Variants in SVEP1 observed in about 807,000 individuals in gnomAD.
SVEP1 encodes sushi, von Willebrand factor type A, EGF and pentraxin domain containing 1.
A neutral mutation model predicts 367.3 loss-of-function variants in SVEP1; 164 were observed. The observed-to-expected ratio is 0.45, with a 90% confidence interval of 0.39 to 0.51. The LOEUF is 0.51. Among genes scored for constraint, SVEP1 ranks in the 20% least tolerant of loss-of-function variants. The pLI is 0.00. For synonymous variants in SVEP1, 1,666 were observed against 1,611.6 expected, an observed-to-expected ratio of 1.03 and a Z score of -0.81; for missense variants, 4,117 against 4,425.3, an observed-to-expected ratio of 0.93 and a Z score of 1.98.
At chr9:110,499,945 G>A (rs1438496970) in intron 6 of SVEP1, among the ~76,000 whole-genome samples, 1 of 152,154 alleles carries the variant, frequency 6.6e-6, no homozygotes, top group Non-Finnish European at 1.5e-5. Flanking sequence ...TGAATAAATA[G>A]CTAACATTTA....
chr9:110,471,309 A>G (rs1829013615), intron 16 of SVEP1, 55 bp downstream of exon 16: 1 of 1,431,814 alleles, frequency 7.0e-7, no homozygotes, highest in East Asian at 2.3e-5. Flanking sequence ...GGCTACACCC[A>G]TCTCATTTGA....
intron 45 of SVEP1, 58 bp downstream of exon 45, chr9:110,377,213 G>C (rs929712753): frequency 2.0e-6 from 3 of 1,527,476 alleles, no homozygotes; most frequent in African/African-American, 2.7e-5. Flanking sequence ...ACTCCCCTCA[G>C]GTGGGAGCAT....
intron 27 of SVEP1, among the ~76,000 whole-genome samples, chr9:110,440,119 C>T (rs1224660865): frequency 6.6e-6 from 1 of 152,160 alleles, no homozygotes; most frequent in East Asian, 1.9e-4. Flanking sequence ...TTGATAATGC[C>T]ATTTCCTTTT....
At chr9:110,398,315 TC>T (rs1827801250) in intron 40 of SVEP1, among the ~76,000 whole-genome samples, 1 of 152,174 alleles carries the variant, frequency 6.6e-6, no homozygotes. Flanking sequence ...CTGGATCCCT[TC>T]CTTACACCTT....
At chr9:110,379,569 AAC>A in intron 43 of SVEP1, 52 bp from the exon 44 acceptor site, 2 of 1,551,852 alleles carry the variant, frequency 1.3e-6, no homozygotes, top group Non-Finnish European at 1.8e-6. Context: ...ACAGACTGAG[AAC>A]ACAGTCTCAT....
intron 40 of SVEP1, among the ~76,000 whole-genome samples, chr9:110,400,136 G>A (rs1238149192): frequency 1.3e-5 from 2 of 152,264 alleles, no homozygotes; most frequent in African/African-American, 4.8e-5. Context: ...GCATCTCAAT[G>A]CCAAGGTATA....
intron 3 of SVEP1, among the ~76,000 whole-genome samples, chr9:110,525,373 A>T (rs1457585266): frequency 6.6e-6 from 1 of 152,216 alleles, no homozygotes; most frequent in African/African-American, 2.4e-5. Context: ...TTGCTCAAAA[A>T]TAATAAAGCA....
At position 110,525,578 on chromosome 9, in the gene SVEP1, T is replaced by C. The variant is rs548393800; in HGVS notation, c.965-11472A>G. Among the ~76,000 whole-genome samples the C allele has an allele frequency of 3.3e-5, 5 of 152,210 alleles. No individual in the cohort carries two copies. The East Asian group carries it at 9.7e-4, about 29-fold the overall frequency. On this transcript the variant is annotated intron_variant, in intron 3 of 47. Coordinates refer to ENST00000374469, the MANE Select transcript of SVEP1 (RefSeq NM_153366.4). ...TAAATGTAGACAATATTCTAAAATT[T>C]GTATGGGAAGGCAAAGAAATTAAAA...
chr9:110,527,030 G>A (rs978119271), intron 3 of SVEP1, among the ~76,000 whole-genome samples: 2 of 152,064 alleles, frequency 1.3e-5, no homozygotes, highest in East Asian at 1.9e-4. Context: ...AGGTGGAGGC[G>A]GTGGCTATGG....
intron 46 of SVEP1, among the ~76,000 whole-genome samples, chr9:110,371,377 T>C (rs1395352991): frequency 6.6e-6 from 1 of 152,216 alleles, no homozygotes; most frequent in Non-Finnish European, 1.5e-5. Flanking sequence ...ATCACGTCGG[T>C]GGTCCCAGTA....
chr9:110,400,903 G>C lies in SVEP1; in HGVS notation c.9773C>G (p.Thr3258Ser). 1 of 1,613,824 alleles carries C rather than the reference G, an allele frequency of 6.2e-7. No homozygotes were observed. Among genetic ancestry groups the C allele is most frequent in the East Asian group, 2.2e-5 (1 of 44,868 alleles). The change falls in exon 40 of 48, where the codon ACC becomes AGC. Residue 3258 changes from threonine (T) to serine (S), a missense_variant. Physicochemically the swap from Thr to Ser is moderately conservative, Grantham distance 58. Coordinates refer to ENST00000374469, the MANE Select transcript of SVEP1 (RefSeq NM_153366.4). ...EHGFVVGSKY[T>S]FESTIIYQCE... is the part of the protein sequence containing the mutation. ...CTGATAAATAATTGTGCTTTCAAAG[G>C]TGTATTTACTGCCAACCACAAATCC...
At chr9:110,446,141 T>C (rs138578055) in intron 25 of SVEP1, 103 bp from the exon 26 acceptor site, 1 of 1,030,354 alleles carries the variant, frequency 9.7e-7, no homozygotes, top group Non-Finnish European at 1.4e-6. Flanking sequence ...TCAGTGAATA[T>C]GATTATCTAA....
chr9:110,497,483 G>A (rs1332452363), intron 7 of SVEP1, among the ~76,000 whole-genome samples: 1 of 152,196 alleles, frequency 6.6e-6, no homozygotes, highest in African/African-American at 2.4e-5. Flanking sequence ...AGGTCAGGAT[G>A]TCTTGCCCCA....
chr9:110,481,295 T>C lies in SVEP1; in HGVS notation c.2312A>G (p.Tyr771Cys), dbSNP rs775175440. The change falls in exon 12 of 48, where the codon TAT (tyrosine) becomes TGT (cysteine). Residue 771 changes from tyrosine to cysteine, a missense_variant. Physicochemically the swap from Tyr to Cys is radical, Grantham distance 194 (BLOSUM62 -2). Around this residue, in one of 4 missense-constraint regions of SVEP1, gnomAD observed 2,174 missense variants for 2,494.3 expected, o/e 0.87. Coordinates refer to ENST00000374469, the MANE Select transcript of SVEP1 (RefSeq NM_153366.4). ...EGSTDKYYCAYEDGVWKPTYT... is the reference protein window; with the variant it reads ...EGSTDKYYCACEDGVWKPTYT... ...TGTTGGTTTCCAGACGCCATCTTCA[T>C]AAGCACAATAATACTTGTCAGTAGA... 2 of 1,607,816 alleles carry C rather than the reference T, an allele frequency of 1.2e-6. No individual in the cohort carries two copies. The highest frequency in any genetic ancestry group is 1.7e-6 in the Non-Finnish European group (2 of 1,176,958).
chr9:110,436,232 T>A, intron 28 of SVEP1, 148 bp downstream of exon 28: 1 of 1,008,958 alleles, frequency 9.9e-7, no homozygotes, highest in Non-Finnish European at 1.4e-6. Context: ...CCTAACTTCA[T>A]CTATAACCAC....
chr9:110,478,040 G>A (rs1829124684), intron 13 of SVEP1, among the ~76,000 whole-genome samples: 1 of 152,060 alleles, frequency 6.6e-6, no homozygotes, highest in Admixed American at 6.5e-5. Context: ...CTATCACTCA[G>A]CCTGTCATCT....
intron 3 of SVEP1, among the ~76,000 whole-genome samples, chr9:110,538,021 C>T (rs1275498313): frequency 2.0e-5 from 3 of 151,930 alleles, no homozygotes; most frequent in African/African-American, 7.2e-5. Context: ...ATATTGATCA[C>T]AATCCTTATC....
intron 1 of SVEP1, among the ~76,000 whole-genome samples, chr9:110,568,931 C>T (rs111317168): frequency 1.7e-4 from 23 of 139,288 alleles, no homozygotes; most frequent in African/African-American, 5.6e-4. Flanking sequence ...AAAACCCTGT[C>T]ACTACAAAAA....
At chr9:110,545,494 C>T (rs1470967888) in intron 3 of SVEP1, among the ~76,000 whole-genome samples, 1 of 152,104 alleles carries the variant, frequency 6.6e-6, no homozygotes, top group Non-Finnish European at 1.5e-5. Flanking sequence ...AGTTTTAGAA[C>T]TTTTCAATGC....
Sources: gnomAD v4.1 joint callset for allele counts (sites outside exome capture counted in the v4.1 genomes callset) on GRCh38, gnomAD v4.1.1 for gene constraint, gnomAD v4.1.1 regional missense constraint, MANE v1.5 for transcripts, NCBI Gene and HGNC (gene_info 2026-07-23, HGNC 2026-07-21) for gene names.